The following SLC17A8 variants were observed in gnomAD, a reference collection of about 807,000 sequenced individuals.
SLC17A8 encodes solute carrier family 17 member 8, also known as vesicular glutamate transporter 3.
Under a neutral mutation model 58.0 loss-of-function variants are expected in SLC17A8, and 31 were observed. The observed-to-expected ratio is 0.53, with a 90% CI of 0.40 to 0.72. The LOEUF (loss-of-function observed/expected upper bound fraction) is 0.72, where lower values mean the gene tolerates loss of function less well. Ranked by LOEUF, SLC17A8 falls within the 30% of genes least tolerant of loss-of-function variation. The pLI, the probability that SLC17A8 is intolerant of heterozygous loss-of-function variation, is 0.00. For synonymous variants in SLC17A8, 228 were observed against 249.0 expected, an observed-to-expected ratio of 0.92 and a Z score of 0.79; for missense variants, 655 against 727.8, an observed-to-expected ratio of 0.90 and a Z score of 1.15.
At chr12:100,382,686 C>T (rs1402391914) in intron 2 of SLC17A8, among the ~76,000 whole-genome samples, 1 of 152,198 alleles carries the variant, frequency 6.6e-6, no homozygotes, top group Non-Finnish European at 1.5e-5. Context: ...GGAGCCCATA[C>T]TGTGCTGTGT....
At chr12:100,387,203 C>T (rs1952681935) in intron 2 of SLC17A8, among the ~76,000 whole-genome samples, 1 of 152,196 alleles carries the variant, frequency 6.6e-6, no homozygotes, top group African/African-American at 2.4e-5. Flanking sequence ...ATGGTGGCTG[C>T]ACCCATTCCC....
At chr12:100,404,912 A>C (rs1000089690) in intron 9 of SLC17A8, among the ~76,000 whole-genome samples, 76 of 152,232 alleles carry the variant, frequency 5.0e-4, no homozygotes, top group African/African-American at 1.8e-3. Flanking sequence ...CAAAGCTCTT[A>C]GTTTGCGGCT....
chr12:100,396,220 G>A (rs913560273), intron 4 of SLC17A8, 110 bp from the exon 5 acceptor site: 43 of 848,376 alleles, frequency 5.1e-5, no homozygotes, highest in Middle Eastern at 2.2e-4. Flanking sequence ...AACAGTGTCT[G>A]TAAATTGGGC....
chr12:100,410,187 C>T (rs1001093601), intron 9 of SLC17A8, among the ~76,000 whole-genome samples: 7 of 152,008 alleles, frequency 4.6e-5, no homozygotes, highest in South Asian at 2.1e-4. Context: ...TGGGGAAACC[C>T]GGCCTCTACT....
chr12:100,378,401 C>T (rs943892000), intron 1 of SLC17A8, among the ~76,000 whole-genome samples: 9 of 151,942 alleles, frequency 5.9e-5, no homozygotes, highest in African/African-American at 2.2e-4. Context: ...TTTGGGGGCT[C>T]AGGTTGGGAA....
At chr12:100,391,142 G>T (rs780532879) in intron 3 of SLC17A8, 23 bp downstream of exon 3, 2 of 1,472,758 alleles carry the variant, frequency 1.4e-6, no homozygotes, top group Admixed American at 1.7e-5. Flanking sequence ...GATATAACAT[G>T]ATACAAACCA....
At chr12:100,413,146 A>G (rs1854767695) in intron 10 of SLC17A8, among the ~76,000 whole-genome samples, 1 of 152,164 alleles carries the variant, frequency 6.6e-6, no homozygotes, top group African/African-American at 2.4e-5. Context: ...CTGAGACACG[A>G]GCAGAGGCCC....
At chr12:100,392,400 G>A (rs1025821820) in intron 3 of SLC17A8, among the ~76,000 whole-genome samples, 1 of 152,098 alleles carries the variant, frequency 6.6e-6, no homozygotes, top group African/African-American at 2.4e-5. Flanking sequence ...GTATGTATGA[G>A]TATGGACTGG....
intron 9 of SLC17A8, among the ~76,000 whole-genome samples, chr12:100,408,846 C>A (rs897722597): frequency 6.6e-6 from 1 of 152,114 alleles, no homozygotes; most frequent in African/African-American, 2.4e-5. Context: ...ATATGAAACA[C>A]TAGCTATTTT....
intron 2 of SLC17A8, among the ~76,000 whole-genome samples, chr12:100,382,766 C>A (rs1327566648): frequency 6.6e-6 from 1 of 152,212 alleles, no homozygotes; most frequent in Non-Finnish European, 1.5e-5. Flanking sequence ...ATAGAATGCT[C>A]TCTTTCATGC....
chr12:100,400,086 T>C (rs1952781007), intron 5 of SLC17A8, among the ~76,000 whole-genome samples: 1 of 152,158 alleles, frequency 6.6e-6, no homozygotes, highest in Admixed American at 6.5e-5. Flanking sequence ...AGCATGGTAC[T>C]AGGCACCCAG....
At chr12:100,398,636 A>G (rs1952768938) in intron 5 of SLC17A8, among the ~76,000 whole-genome samples, 1 of 152,236 alleles carries the variant, frequency 6.6e-6, no homozygotes. Flanking sequence ...AAGGAAACCC[A>G]GGCTTGGAGT....
intron 1 of SLC17A8, among the ~76,000 whole-genome samples, chr12:100,373,519 T>C (rs967475400): frequency 6.6e-6 from 1 of 151,636 alleles, no homozygotes; most frequent in African/African-American, 2.4e-5. Context: ...TAAAGATGAG[T>C]TGGAAATGGT....
chr12:100,397,588 C>T (rs936706615), intron 5 of SLC17A8, among the ~76,000 whole-genome samples: 2 of 152,172 alleles, frequency 1.3e-5, no homozygotes, highest in Non-Finnish European at 2.9e-5. Context: ...AACAACAGCA[C>T]ATGCCGCTGC....
chr12:100,379,252 C>G (rs61941779), intron 1 of SLC17A8, among the ~76,000 whole-genome samples: 22 of 151,760 alleles, frequency 1.4e-4, no homozygotes, highest in Non-Finnish European at 2.9e-5. Context: ...CTGGCTAACA[C>G]GGTGAAACCC....
chr12:100,395,223 T>C (rs73376008), intron 4 of SLC17A8, among the ~76,000 whole-genome samples: 2,548 of 152,268 alleles, frequency 0.017, 72 homozygotes, highest in African/African-American at 0.056. Context: ...TTTCAGCATC[T>C]GTACTGTGAG....
intron 1 of SLC17A8, among the ~76,000 whole-genome samples, chr12:100,378,676 T>G (rs1381958305): frequency 6.6e-6 from 1 of 151,954 alleles, no homozygotes; most frequent in Non-Finnish European, 1.5e-5. Flanking sequence ...GGGGACAAGA[T>G]CTAGTGTCCA....
intron 8 of SLC17A8, 130 bp downstream of exon 8, chr12:100,402,875 G>T: frequency 1.1e-6 from 1 of 941,494 alleles, no homozygotes; most frequent in South Asian, 1.7e-5. Context: ...CTAATAGCCT[G>T]GCTGTCAGAC....
intron 8 of SLC17A8, among the ~76,000 whole-genome samples, chr12:100,403,251 C>A (rs181761119): frequency 6.6e-6 from 1 of 151,796 alleles, no homozygotes; most frequent in East Asian, 2.0e-4. Flanking sequence ...CCAAGGCTGG[C>A]GGATCACCTG....
Sources: gnomAD v4.1 joint callset for allele counts (sites outside exome capture counted in the v4.1 genomes callset) on GRCh38, gnomAD v4.1.1 for gene constraint, MANE v1.5 for transcripts, NCBI Gene and HGNC (gene_info 2026-07-23, HGNC 2026-07-21) for gene names.